The following EXT1 variants were observed in gnomAD, a reference collection of about 807,000 sequenced individuals.
EXT1 encodes exostosin-1.
EXT1 carries 20 observed loss-of-function variants against 82.5 expected under a neutral mutation model. The observed-to-expected ratio is 0.24, with a 90% CI of 0.17 to 0.35. The LOEUF is 0.35. Among genes scored for constraint, EXT1 ranks in the 10% least tolerant of loss-of-function variants. The pLI, the probability that EXT1 is intolerant of heterozygous loss-of-function variation, is 1.00. For missense variants in EXT1, 757 were observed against 936.5 expected, an observed-to-expected ratio of 0.81 and a Z score of 2.50; for synonymous variants, 348 against 350.8, an observed-to-expected ratio of 0.99 and a Z score of 0.09.
intron 1 of EXT1, among the ~76,000 whole-genome samples, chr8:118,054,276 C>T (rs1016117537): frequency 2.6e-5 from 4 of 152,188 alleles, no homozygotes; most frequent in African/African-American, 9.7e-5. Flanking sequence ...GGATTTCTTG[C>T]CCTTCCCCTA....
intron 1 of EXT1, 122 bp downstream of exon 1, chr8:118,109,963 C>G: frequency 1.3e-6 from 2 of 1,511,478 alleles, no homozygotes; most frequent in African/African-American, 1.4e-5. Flanking sequence ...CAGTTCCAGG[C>G]TCAAAGGGGA....
chr8:117,869,444 G>A (rs1235376681), intron 1 of EXT1, among the ~76,000 whole-genome samples: 3 of 152,164 alleles, frequency 2.0e-5, no homozygotes, highest in Non-Finnish European at 4.4e-5. Flanking sequence ...CTGGTCTCAA[G>A]TGCATGATGA....
At chr8:117,877,640 T>TG (rs1340360153) in intron 1 of EXT1, among the ~76,000 whole-genome samples, 1 of 152,168 alleles carries the variant, frequency 6.6e-6, no homozygotes, top group Non-Finnish European at 1.5e-5. Context: ...AACCTAACGA[T>TG]GACAAAGCAG....
At chr8:117,881,166 A>C (rs1207248950) in intron 1 of EXT1, among the ~76,000 whole-genome samples, 1 of 152,106 alleles carries the variant, frequency 6.6e-6, no homozygotes, top group Non-Finnish European at 1.5e-5. Flanking sequence ...ATAAATCAAG[A>C]TTTTTTAAAA....
At chr8:117,985,363 G>A (rs948881281) in intron 1 of EXT1, among the ~76,000 whole-genome samples, 14 of 152,122 alleles carry the variant, frequency 9.2e-5, no homozygotes, top group African/African-American at 3.4e-4. Flanking sequence ...ACCTCTAGCG[G>A]GCACCAATCC....
chr8:118,057,980 A>G (rs1163635300), intron 1 of EXT1, among the ~76,000 whole-genome samples: 2 of 151,836 alleles, frequency 1.3e-5, no homozygotes, highest in African/African-American at 4.8e-5. Context: ...CAAAAGAAAA[A>G]AAAAAAAAAA....
chr8:117,887,825 C>G (rs1009565847), intron 1 of EXT1, among the ~76,000 whole-genome samples: 26 of 151,622 alleles, frequency 1.7e-4, no homozygotes, highest in Admixed American at 6.6e-4. Context: ...GTGACTCACG[C>G]CTGTAATCCC....
intron 1 of EXT1, among the ~76,000 whole-genome samples, chr8:117,901,591 A>G (rs978882216): frequency 2.6e-5 from 4 of 152,122 alleles, no homozygotes; most frequent in Admixed American, 2.0e-4. Flanking sequence ...GCTTACTGTA[A>G]GTTTTTTACC....
intron 1 of EXT1, among the ~76,000 whole-genome samples, chr8:117,926,663 G>A (rs985805919): frequency 2.6e-5 from 4 of 152,158 alleles, no homozygotes; most frequent in Non-Finnish European, 4.4e-5. Flanking sequence ...CACTGAAGCC[G>A]AAGCCACATA....
chr8:118,072,438 C>G (rs72674002), intron 1 of EXT1, among the ~76,000 whole-genome samples: 3,595 of 152,264 alleles, frequency 0.024, 75 homozygotes, highest in Middle Eastern at 0.16. Flanking sequence ...TATATACTGC[C>G]TTACATTGTT....
At chr8:118,106,174 TATC>T (rs1381693712) in intron 1 of EXT1, among the ~76,000 whole-genome samples, 1 of 152,204 alleles carries the variant, frequency 6.6e-6, no homozygotes, top group African/African-American at 2.4e-5. Flanking sequence ...TTTATTTACT[TATC>T]ATTTATTTTT....
intron 1 of EXT1, among the ~76,000 whole-genome samples, chr8:117,919,194 T>G (rs1438539188): frequency 1.5e-5 from 2 of 137,174 alleles, no homozygotes; most frequent in Non-Finnish European, 3.0e-5. Flanking sequence ...ATCTGAGGTG[T>G]TTTTTTTTTT....
intron 1 of EXT1, among the ~76,000 whole-genome samples, chr8:118,102,379 T>C (rs760898162): frequency 2.6e-5 from 4 of 152,118 alleles, no homozygotes; most frequent in Non-Finnish European, 5.9e-5. Flanking sequence ...AAATCCTATT[T>C]TCCAAACAAT....
intron 1 of EXT1, among the ~76,000 whole-genome samples, chr8:117,858,782 CAGGCAGGCA>C (rs1487263067): frequency 3.7e-5 from 4 of 109,002 alleles, no homozygotes; most frequent in South Asian, 3.0e-4. Context: ...GGCAGGCAGG[CAGGCAGGCA>C]AGGCAAGGCA....
intron 1 of EXT1, among the ~76,000 whole-genome samples, chr8:118,093,520 T>C (rs1449698849): frequency 6.6e-6 from 1 of 152,154 alleles, no homozygotes; most frequent in Non-Finnish European, 1.5e-5. Context: ...AAGAATTTAA[T>C]CCTGTTCTAA....
At chr8:118,062,912 A>T (rs1816905528) in intron 1 of EXT1, among the ~76,000 whole-genome samples, 1 of 152,228 alleles carries the variant, frequency 6.6e-6, no homozygotes, top group Non-Finnish European at 1.5e-5. Flanking sequence ...CAAACACCTC[A>T]TAACTATGAC....
chr8:117,990,757 C>T lies in EXT1; in HGVS notation c.962+119328G>A, dbSNP rs546202636. ...TTGTTTTGTGGAAAGATGCAAACCC[C>T]AAGTAACTGCCCAGTTTGCATCGTT... On this transcript the variant is annotated intron_variant, in intron 1 of 10. Coordinates refer to ENST00000378204, the MANE Select transcript of EXT1 (RefSeq NM_000127.3). 2.6e-5 allele frequency among the ~76,000 whole-genome samples: 4 copies of T among 152,310 alleles called. No individual in the cohort carries two copies. The South Asian group carries it at 6.2e-4, about 24-fold the overall frequency.
chr8:117,964,625 GTTTGTTTGTT>G (rs538418303), intron 1 of EXT1, among the ~76,000 whole-genome samples: 195 of 140,868 alleles, frequency 1.4e-3, no homozygotes, highest in African/African-American at 5.0e-3. Flanking sequence ...GTGTGTGTGT[GTTTGTTTGTT>G]TGTTTGTTTG....
At chr8:117,921,731 T>C (rs1813860964) in intron 1 of EXT1, among the ~76,000 whole-genome samples, 2 of 152,242 alleles carry the variant, frequency 1.3e-5, no homozygotes, top group African/African-American at 4.8e-5. Context: ...GGGCATTATT[T>C]ATACAAATGC....
Sources: gnomAD v4.1 joint callset for allele counts (sites outside exome capture counted in the v4.1 genomes callset) on GRCh38, gnomAD v4.1.1 for gene constraint, MANE v1.5 for transcripts, NCBI Gene and HGNC (gene_info 2026-07-23, HGNC 2026-07-21) for gene names.